The following MAMLD1 variants were observed in gnomAD, a reference collection of about 807,000 sequenced individuals.
MAMLD1 encodes the protein mastermind-like domain-containing protein 1.
In MAMLD1, 14 loss-of-function variants were observed where a neutral mutation model predicts 45.0. The ratio of observed to expected loss-of-function variants is 0.31; its 90% CI spans 0.21 to 0.49. The LOEUF (loss-of-function observed/expected upper bound fraction) is 0.49, where lower values mean the gene tolerates loss of function less well. Ranked by LOEUF, MAMLD1 falls within the 20% of genes least tolerant of loss-of-function variation. The probability of loss-of-function intolerance (pLI) is 0.99; values close to 1 mark genes in which losing one functional copy is unlikely to be tolerated. For missense variants in MAMLD1, 543 were observed against 603.6 expected, an observed-to-expected ratio of 0.90 and a Z score of 1.05; for synonymous variants, 254 against 247.8, an observed-to-expected ratio of 1.02 and a Z score of -0.24.
intron 5 of MAMLD1, among the ~76,000 whole-genome samples, chrX:150,493,283 C>T (rs1474098682): frequency 5.4e-5 from 6 of 111,421 alleles, no homozygotes; most frequent in South Asian, 3.8e-4. Flanking sequence ...GCCTGGAGCA[C>T]GTCCAGAAGG....
chrX:150,405,207 T>C (rs1271366167), intron 1 of MAMLD1, among the ~76,000 whole-genome samples: 1 of 112,330 alleles, frequency 8.9e-6, no homozygotes, highest in Non-Finnish European at 1.9e-5. Flanking sequence ...TTTTCACACA[T>C]GTTCTGCAGC....
At chrX:150,456,339 A>G (rs1450189608) in intron 2 of MAMLD1, among the ~76,000 whole-genome samples, 1 of 110,367 alleles carries the variant, frequency 9.1e-6, no homozygotes, top group Non-Finnish European at 1.9e-5. Context: ...ACCTCAGTTT[A>G]CCCATGTGTA....
chrX:150,484,659 G>C (rs1421656399), intron 5 of MAMLD1, among the ~76,000 whole-genome samples: 1 of 112,348 alleles, frequency 8.9e-6, no homozygotes, highest in Non-Finnish European at 1.9e-5. Flanking sequence ...TTACAACCGA[G>C]GACTCATTCA....
At chrX:150,415,725 C>T (rs1224766875) in intron 1 of MAMLD1, among the ~76,000 whole-genome samples, 18 of 112,121 alleles carry the variant, frequency 1.6e-4, no homozygotes, top group Non-Finnish European at 1.7e-4. Context: ...GGGTCTGAAA[C>T]ATGTTAAAGT....
At chrX:150,376,921 T>C (rs2032346274) in intron 1 of MAMLD1, among the ~76,000 whole-genome samples, 1 of 111,216 alleles carries the variant, frequency 9.0e-6, no homozygotes, top group African/African-American at 3.3e-5. Context: ...CTTATTTTTG[T>C]ACTGAGTAAC....
At chrX:150,381,544 C>T (rs913178651) in intron 1 of MAMLD1, among the ~76,000 whole-genome samples, 1 of 112,573 alleles carries the variant, frequency 8.9e-6, no homozygotes, top group South Asian at 3.7e-4. Flanking sequence ...TCTACCCCAA[C>T]TTCTGAACCC....
In MAMLD1 at chrX:150,445,462, C is replaced by T. The variant is rs190212955; in HGVS notation, c.-55C>T. On this transcript the variant is annotated 5_prime_UTR_variant, in exon 2 of 8. Coordinates refer to ENST00000370401, the MANE Select transcript of MAMLD1 (RefSeq NM_005491.5). ...CTTTTTGTCTCCCTAAGCCCTGTGTCTAGGTCGTTTGGGAAACGCCTTGGA... is the reference window on the plus strand; with the variant it reads ...CTTTTTGTCTCCCTAAGCCCTGTGTTTAGGTCGTTTGGGAAACGCCTTGGA... 6 of 918,708 alleles carry T rather than the reference C, an allele frequency of 6.5e-6. No homozygotes were observed. The African/African-American group carries it at 7.8e-5, about 12-fold the overall frequency. 75.7% of individuals were successfully genotyped at this position (918,708 alleles called of 1,213,427 possible). A position where few individuals can be genotyped will look rare whatever the true frequency, so the allele number is the denominator to read the frequency against.
intron 6 of MAMLD1, chrX:150,509,327 A>G (rs1014938628): frequency 1.8e-5 from 2 of 112,822 alleles, no homozygotes; most frequent in Non-Finnish European, 1.9e-5. Flanking sequence ...TCCTTTCCCT[A>G]TGACAGCCCT....
intron 1 of MAMLD1, among the ~76,000 whole-genome samples, chrX:150,425,124 T>C (rs994561294): frequency 8.9e-6 from 1 of 112,357 alleles, no homozygotes; most frequent in Non-Finnish European, 1.9e-5. Flanking sequence ...GACCACATTT[T>C]ACTTATCCAC....
chrX:150,367,102 A>T (rs1557400782), intron 1 of MAMLD1, among the ~76,000 whole-genome samples: 3 of 109,084 alleles, frequency 2.8e-5, no homozygotes, highest in African/African-American at 1.0e-4. Context: ...TTGGAAGAAG[A>T]AAGCCTTTAG....
chrX:150,482,502 T>C (rs2148324189), intron 5 of MAMLD1, among the ~76,000 whole-genome samples: 1 of 112,963 alleles, frequency 8.9e-6, no homozygotes. Context: ...TTAAAAATTG[T>C]TAAAATGGTA....
rs1321615020 is a variant in MAMLD1 at position 150,492,259 on chromosome X, G to T, written c.2041-11015G>T. On this transcript the variant is annotated intron_variant, in intron 5 of 7. Coordinates refer to ENST00000370401, the MANE Select transcript of MAMLD1 (RefSeq NM_005491.5). The stretch of plus-strand genomic sequence containing the variant: ...GAGGCACCAAGGCTGCAGGCCATTT[G>T]CAGGGCACAGCCCTGGAGGCTAAAG... Among the ~76,000 whole-genome samples, 6 of 112,866 alleles carry T rather than the reference G, an allele frequency of 5.3e-5. No individual in the cohort carries two copies. The Admixed American group carries it at 5.6e-4, about 11-fold the overall frequency.
chrX:150,493,480 C>T (rs1453085302), intron 5 of MAMLD1, among the ~76,000 whole-genome samples: 5 of 111,834 alleles, frequency 4.5e-5, no homozygotes, highest in Non-Finnish European at 7.5e-5. Context: ...ACCATACATA[C>T]GGAAGAGTAT....
intron 1 of MAMLD1, among the ~76,000 whole-genome samples, chrX:150,373,945 G>T (rs897466842): frequency 8.9e-6 from 1 of 112,084 alleles, no homozygotes; most frequent in Non-Finnish European, 1.9e-5. Flanking sequence ...TACCATGCCT[G>T]GCATAAAGCT....
At chrX:150,490,362 T>C (rs782709290) in intron 5 of MAMLD1, among the ~76,000 whole-genome samples, 1 of 112,339 alleles carries the variant, frequency 8.9e-6, no homozygotes, top group Non-Finnish European at 1.9e-5. Flanking sequence ...TAGATTGTTG[T>C]TTTTCCCCCT....
At chrX:150,465,634 G>T (rs1009065955) in intron 3 of MAMLD1, among the ~76,000 whole-genome samples, 10 of 112,296 alleles carry the variant, frequency 8.9e-5, no homozygotes, top group Non-Finnish European at 1.9e-4. Flanking sequence ...ACCAAAGGCC[G>T]GGCCTGTGAG....
intron 1 of MAMLD1, among the ~76,000 whole-genome samples, chrX:150,440,133 G>C (rs1385782280): frequency 9.0e-6 from 1 of 111,173 alleles, no homozygotes; most frequent in Non-Finnish European, 1.9e-5. Flanking sequence ...GTCTTTGCCT[G>C]TTAACATAGC....
At chrX:150,390,763 T>C (rs140779278) in intron 1 of MAMLD1, among the ~76,000 whole-genome samples, 1,557 of 112,523 alleles carry the variant, frequency 0.014, 28 homozygotes, top group African/African-American at 0.047. Flanking sequence ...CTGAATTTCT[T>C]CTTTTCTTTA....
chrX:150,493,505 A>G (rs953224372), intron 5 of MAMLD1, among the ~76,000 whole-genome samples: 1 of 111,908 alleles, frequency 8.9e-6, no homozygotes, highest in Non-Finnish European at 1.9e-5. Flanking sequence ...AACATATAAT[A>G]ATAAAACCAA....
Sources: allele counts gnomAD v4.1 joint callset (sites outside exome capture counted in the v4.1 genomes callset), GRCh38; gene constraint gnomAD v4.1.1; transcripts MANE v1.5; gene names NCBI Gene and HGNC (gene_info 2026-07-23, HGNC 2026-07-21).